Variants in SLC9A9 observed in about 807,000 individuals in gnomAD.
SLC9A9 encodes the protein solute carrier family 9 member A9.
In SLC9A9, 62 loss-of-function variants were observed where a neutral mutation model predicts 77.8. That is an observed-to-expected ratio of 0.80 (90% CI 0.65 to 0.98). The LOEUF is 0.98. SLC9A9 is among the 50% of genes least tolerant of loss of function. The pLI is 0.00. For synonymous variants in SLC9A9, 320 were observed against 283.5 expected (o/e 1.13, Z -1.29); for missense variants, 775 against 774.9 (o/e 1.00, Z 0.00).
intron 6 of SLC9A9, among the ~76,000 whole-genome samples, chr3:143,583,651 A>G (rs887711022): frequency 2.0e-5 from 3 of 152,186 alleles, no homozygotes; most frequent in Non-Finnish European, 4.4e-5. Context: ...AGTACCAACC[A>G]CACTGGGTTG....
chr3:143,426,785 G>A (rs1484196852), intron 12 of SLC9A9, among the ~76,000 whole-genome samples: 1 of 152,188 alleles, frequency 6.6e-6, no homozygotes, highest in Non-Finnish European at 1.5e-5. Context: ...ACTGTTTTGA[G>A]TACTATACTT....
intron 4 of SLC9A9, among the ~76,000 whole-genome samples, chr3:143,748,270 AATATAAGAGCCTTGTGGCT>A (rs1304713559): frequency 1.6e-4 from 25 of 152,240 alleles, no homozygotes; most frequent in African/African-American, 5.5e-4. Context: ...GGACCCCACA[AATATAAGAGCCTTGTGGCT>A]AGGTCTGGGC....
chr3:143,809,583 G>A (rs577049516), intron 2 of SLC9A9, among the ~76,000 whole-genome samples: 2 of 152,134 alleles, frequency 1.3e-5, no homozygotes, highest in Non-Finnish European at 2.9e-5. Context: ...TTGGAGGTGG[G>A]GCTGTTTTTA....
chr3:143,372,174 T>C (rs2033073414), intron 13 of SLC9A9, among the ~76,000 whole-genome samples: 1 of 152,146 alleles, frequency 6.6e-6, no homozygotes, highest in African/African-American at 2.4e-5. Flanking sequence ...GTAGTTCCTA[T>C]CAAAATAACT....
At chr3:143,478,784 C>G (rs1157305578) in intron 11 of SLC9A9, among the ~76,000 whole-genome samples, 1 of 152,156 alleles carries the variant, frequency 6.6e-6, no homozygotes, top group Admixed American at 6.5e-5. Flanking sequence ...ACATGGTTTG[C>G]TTGTGTTAAT....
At chr3:143,298,388 G>C (rs947689793) in intron 14 of SLC9A9, among the ~76,000 whole-genome samples, 48 of 152,314 alleles carry the variant, frequency 3.2e-4, no homozygotes, top group Non-Finnish European at 1.0e-4. Context: ...TTGGATCATA[G>C]TCCAGAGCCT....
At chr3:143,399,069 CTTT>C (rs2033793499) in intron 12 of SLC9A9, among the ~76,000 whole-genome samples, 1 of 151,912 alleles carries the variant, frequency 6.6e-6, no homozygotes, top group Non-Finnish European at 1.5e-5. Flanking sequence ...TCTATTTTTA[CTTT>C]TTAAGTGAAA....
chr3:143,631,193 A>G (rs1425658946), intron 6 of SLC9A9, among the ~76,000 whole-genome samples: 2 of 152,190 alleles, frequency 1.3e-5, no homozygotes, highest in African/African-American at 2.4e-5. Flanking sequence ...TACTGATGAG[A>G]GGCCAAGTGC....
intron 14 of SLC9A9, among the ~76,000 whole-genome samples, chr3:143,292,433 C>A (rs2030046330): frequency 6.6e-6 from 1 of 152,092 alleles, no homozygotes; most frequent in Admixed American, 6.6e-5. Context: ...AGGGAATTTG[C>A]CTTGGTGCAT....
rs570871747 is a variant in SLC9A9, at chr3:143,636,296, T to G, written c.755+15959A>C. Among the ~76,000 whole-genome samples, 3 of 152,334 alleles carry G rather than the reference T, an allele frequency of 2.0e-5. No individual in the cohort carries two copies. The East Asian group carries it at 5.8e-4, about 29-fold the overall frequency. On this transcript the variant is annotated intron_variant, in intron 6 of 15. Transcript: ENST00000316549. ...TAAAACTGTTTTCCATTACATGTTA[T>G]CATTAATTGTTGCTGAAGTCCTGGA...
chr3:143,824,808 C>T (rs115682084), intron 2 of SLC9A9, among the ~76,000 whole-genome samples: 2 of 152,140 alleles, frequency 1.3e-5, no homozygotes, highest in East Asian at 3.9e-4. Flanking sequence ...ATCTCACAGG[C>T]CAACTTTTTG....
rs78769412 is a variant in SLC9A9, at chr3:143,597,271, C to T, written c.756-18548G>A. ...ATAACTGTCCTGCTGACTCTGTGCACGGGGCTTAGCTCTTGGGGGGCTCGG... is the reference window on the plus strand; with the variant it reads ...ATAACTGTCCTGCTGACTCTGTGCATGGGGCTTAGCTCTTGGGGGGCTCGG... On this transcript the variant is annotated intron_variant, in intron 6 of 15. Transcript: ENST00000316549. Among the ~76,000 whole-genome samples the T allele has an allele frequency of 7.6e-3, 1,164 of 152,244 alleles. 14 individuals carry two copies. The highest frequency in any genetic ancestry group is 0.027 in the African/African-American group (1,117 of 41,552).
At chr3:143,282,448 C>A (rs1298441244) in intron 14 of SLC9A9, among the ~76,000 whole-genome samples, 1 of 152,212 alleles carries the variant, frequency 6.6e-6, no homozygotes, top group Admixed American at 6.5e-5. Flanking sequence ...ATGCTTGAAG[C>A]CTGTTGCATA....
intron 4 of SLC9A9, among the ~76,000 whole-genome samples, chr3:143,773,331 A>G (rs1013102241): frequency 3.9e-5 from 6 of 152,140 alleles, no homozygotes; most frequent in African/African-American, 9.7e-5. Flanking sequence ...TTGCATTTCC[A>G]CCATATAGCT....
intron 12 of SLC9A9, among the ~76,000 whole-genome samples, chr3:143,383,896 G>A (rs747658736): frequency 3.3e-5 from 5 of 152,188 alleles, no homozygotes; most frequent in South Asian, 4.1e-4. Flanking sequence ...TCCTTATAAG[G>A]AGAACAGTAA....
intron 12 of SLC9A9, among the ~76,000 whole-genome samples, chr3:143,461,419 G>C (rs116614519): frequency 0.012 from 1,757 of 152,080 alleles, 19 homozygotes; most frequent in Non-Finnish European, 0.015. Context: ...GTGCGTCAGG[G>C]GGACAATAAA....
In SLC9A9 at chr3:143,578,572, A is replaced by T; in HGVS notation, c.894+13T>A. The T allele has an allele frequency of 1.2e-6, 2 of 1,613,816 alleles. No individual in the cohort carries two copies. The highest frequency in any genetic ancestry group is 1.7e-6 in the Non-Finnish European group (2 of 1,179,760). On this transcript the variant is annotated intron_variant, in intron 7 of 15. Transcript: ENST00000316549. ...TTGACAGTCCCAGCTTTCCACATACAGACAAAGGATATCAGTGCTGTGATG... is the reference window on the plus strand; with the variant it reads ...TTGACAGTCCCAGCTTTCCACATACTGACAAAGGATATCAGTGCTGTGATG...
chr3:143,831,410 A>G (rs983953613), intron 2 of SLC9A9, among the ~76,000 whole-genome samples: 1 of 152,210 alleles, frequency 6.6e-6, no homozygotes, highest in Non-Finnish European at 1.5e-5. Context: ...CAAATCTGCA[A>G]TTATGAAACT....
chr3:143,581,537 G>A (rs966885068), intron 6 of SLC9A9, among the ~76,000 whole-genome samples: 1 of 142,054 alleles, frequency 7.0e-6, no homozygotes, highest in Non-Finnish European at 1.5e-5. Context: ...CCCTCCTTTT[G>A]TCTTTCCTTC....
Sources: allele counts gnomAD v4.1 joint callset (sites outside exome capture counted in the v4.1 genomes callset), GRCh38; gene constraint gnomAD v4.1.1; transcripts MANE v1.5; gene names NCBI Gene and HGNC (gene_info 2026-07-23, HGNC 2026-07-21).